Variants in BACH2 observed in about 807,000 individuals in gnomAD.
BACH2 encodes transcription regulator protein BACH2.
A neutral mutation model predicts 61.8 loss-of-function variants in BACH2; 5 were observed. The observed-to-expected ratio is 0.08, with a 90% CI of 0.04 to 0.17. The LOEUF is 0.17. Among genes scored for constraint, BACH2 ranks in the 10% least tolerant of loss-of-function variants. The pLI, the probability that BACH2 is intolerant of heterozygous loss-of-function variation, is 1.00. For missense variants in BACH2, 824 were observed against 1,091.1 expected (o/e 0.76, Z 3.45); for synonymous variants, 446 against 440.1 (o/e 1.01, Z -0.17).
intron 6 of BACH2, among the ~76,000 whole-genome samples, chr6:89,969,569 C>T (rs973747565): frequency 7.2e-5 from 11 of 152,122 alleles, no homozygotes; most frequent in African/African-American, 2.7e-4. Flanking sequence ...CAGGAGTCAG[C>T]CTTTGTCCTT....
At chr6:90,027,937 G>A (rs981274252) in intron 5 of BACH2, among the ~76,000 whole-genome samples, 1 of 152,112 alleles carries the variant, frequency 6.6e-6, no homozygotes, top group Admixed American at 6.5e-5. Flanking sequence ...CTTATATTGA[G>A]GCAAATCTGG....
At chr6:90,026,510 A>C (rs1778644767) in intron 5 of BACH2, among the ~76,000 whole-genome samples, 1 of 152,166 alleles carries the variant, frequency 6.6e-6, no homozygotes, top group Admixed American at 6.5e-5. Flanking sequence ...TAATATGTAT[A>C]ACCTGCCAAA....
intron 1 of BACH2, among the ~76,000 whole-genome samples, chr6:90,285,624 A>AT (rs1424258595): frequency 1.3e-5 from 2 of 152,140 alleles, no homozygotes; most frequent in Admixed American, 6.5e-5. Context: ...AATTTGTCCA[A>AT]TTTTCTCCCC....
chr6:90,163,275 G>T (rs1441738549), intron 4 of BACH2, among the ~76,000 whole-genome samples: 2 of 152,022 alleles, frequency 1.3e-5, no homozygotes, highest in Non-Finnish European at 2.9e-5. Context: ...CCACAGTGGC[G>T]TTTTTTTACT....
At chr6:90,228,066 T>C (rs1769974097) in intron 3 of BACH2, among the ~76,000 whole-genome samples, 1 of 152,260 alleles carries the variant, frequency 6.6e-6, no homozygotes, top group Admixed American at 6.5e-5. Context: ...TAAGACTTAC[T>C]GCAAAAATGA....
chr6:89,975,457 A>C (rs1775599737), intron 6 of BACH2, among the ~76,000 whole-genome samples: 1 of 152,096 alleles, frequency 6.6e-6, no homozygotes, highest in African/African-American at 2.4e-5. Flanking sequence ...TTTCCATTAA[A>C]GTCCCTCAGC....
intron 6 of BACH2, among the ~76,000 whole-genome samples, chr6:89,999,435 CTCTT>C (rs1334250955): frequency 1.3e-5 from 2 of 149,504 alleles, no homozygotes; most frequent in African/African-American, 2.5e-5. Flanking sequence ...GCCATGATGT[CTCTT>C]TGTCACACCT....
chr6:90,252,258 T>C (rs1289168461), intron 3 of BACH2, among the ~76,000 whole-genome samples: 1 of 152,162 alleles, frequency 6.6e-6, no homozygotes, highest in African/African-American at 2.4e-5. Flanking sequence ...GAAGACTTGA[T>C]AATATCACCT....
intron 5 of BACH2, among the ~76,000 whole-genome samples, chr6:90,012,335 A>C (rs1434629226): frequency 6.6e-6 from 1 of 151,994 alleles, no homozygotes; most frequent in African/African-American, 2.4e-5. Context: ...GATCATCTTG[A>C]ATTTTTCTCA....
At chr6:90,013,343 T>C (rs761076031) in intron 5 of BACH2, among the ~76,000 whole-genome samples, 28 of 152,180 alleles carry the variant, frequency 1.8e-4, no homozygotes, top group Non-Finnish European at 3.1e-4. Context: ...GCTTTCCTGA[T>C]GTTAGGAAGA....
At chr6:89,939,131 G>A (rs1392323332) in intron 7 of BACH2, among the ~76,000 whole-genome samples, 1 of 152,172 alleles carries the variant, frequency 6.6e-6, no homozygotes, top group Non-Finnish European at 1.5e-5. Flanking sequence ...CAGTAGTAAT[G>A]GTGTATAGTT....
intron 5 of BACH2, among the ~76,000 whole-genome samples, chr6:90,044,414 T>C (rs944795039): frequency 1.3e-5 from 2 of 152,154 alleles, no homozygotes; most frequent in African/African-American, 2.4e-5. Context: ...TGGAGGATAG[T>C]GGCCAGCGAA....
At chr6:90,283,673 C>T (rs767713502) in intron 1 of BACH2, among the ~76,000 whole-genome samples, 8 of 152,142 alleles carry the variant, frequency 5.3e-5, no homozygotes, top group South Asian at 2.1e-4. Flanking sequence ...CCACACCCGG[C>T]CTCCTCATGC....
In BACH2 at chr6:90,141,780, T is replaced by G. The variant is rs1784469986; in HGVS notation, c.-161-52671A>C. On this transcript the variant is annotated intron_variant, in intron 4 of 8. Coordinates refer to ENST00000257749, the MANE Select transcript of BACH2 (RefSeq NM_021813.4). The stretch of plus-strand genomic sequence containing the variant: ...TGTAAGTGTTTTCTGAAATCATATT[T>G]TATTAAAAATTCTATTCAGGCTGTG... Among the ~76,000 whole-genome samples, 4 of 152,324 alleles carry G rather than the reference T, an allele frequency of 2.6e-5. 1 individual carries two copies. The South Asian group carries it at 8.3e-4, about 32-fold the overall frequency.
At chr6:90,001,846 A>T (rs183851631) in intron 6 of BACH2, among the ~76,000 whole-genome samples, 59 of 152,344 alleles carry the variant, frequency 3.9e-4, no homozygotes, top group Admixed American at 3.9e-3. Flanking sequence ...AATCTTCACC[A>T]CAGAGTACAA....
At position 90,104,921 on chromosome 6, in the gene BACH2, C is replaced by T. The variant is rs572907847; in HGVS notation, c.-161-15812G>A. Among the ~76,000 whole-genome samples the T allele has an allele frequency of 5.3e-5, 8 of 152,128 alleles. No individual in the cohort carries two copies. In the East Asian group the frequency reaches 1.2e-3, roughly 22 times the overall value. ...TTCCCATTTGGAACTCTAAGGAGAC[C>T]GATAATTCTAAATTTAAATCTGGCC... is the stretch of plus-strand genomic sequence containing the variant. On this transcript the variant is annotated intron_variant, in intron 4 of 8. Transcript: ENST00000257749.
At chr6:90,127,879 G>A (rs372058397) in intron 4 of BACH2, among the ~76,000 whole-genome samples, 2 of 152,152 alleles carry the variant, frequency 1.3e-5, no homozygotes, top group African/African-American at 2.4e-5. Context: ...TCTGGCAATT[G>A]GAAGTAGCCA....
intron 4 of BACH2, among the ~76,000 whole-genome samples, chr6:90,191,733 T>C (rs1768581255): frequency 6.6e-6 from 1 of 152,192 alleles, no homozygotes; most frequent in South Asian, 2.1e-4. Flanking sequence ...AATAATATAG[T>C]CTATTGTAAA....
At chr6:90,081,119 G>C (rs901951475) in intron 5 of BACH2, among the ~76,000 whole-genome samples, 1 of 152,162 alleles carries the variant, frequency 6.6e-6, no homozygotes, top group African/African-American at 2.4e-5. Flanking sequence ...TTAGGTTAGA[G>C]AAAGTTAATC....
Sources: allele counts gnomAD v4.1 joint callset (sites outside exome capture counted in the v4.1 genomes callset), GRCh38; gene constraint gnomAD v4.1.1; transcripts MANE v1.5; gene names NCBI Gene and HGNC (gene_info 2026-07-23, HGNC 2026-07-21).